The following NPIPB11 variants were observed in gnomAD, a reference collection of about 807,000 sequenced individuals.
NPIPB11 encodes nuclear pore complex-interacting protein family member B11.
NPIPB11 carries 17 observed loss-of-function variants against 32.8 expected under a neutral mutation model. The observed-to-expected ratio is 0.52, with a 90% CI of 0.35 to 0.78. The LOEUF (loss-of-function observed/expected upper bound fraction) is 0.78, where lower values mean the gene tolerates loss of function less well. Among genes scored for constraint, NPIPB11 ranks in the 30% least tolerant of loss-of-function variants. The probability of loss-of-function intolerance (pLI) is 0.01; values close to 1 mark genes in which losing one functional copy is unlikely to be tolerated. For synonymous variants in NPIPB11, 209 were observed against 398.4 expected, an observed-to-expected ratio of 0.52 and a Z score of 5.66; for missense variants, 537 against 1,000.4, an observed-to-expected ratio of 0.54 and a Z score of 6.25.
chr16:29,390,432 G>C (rs1421003376), intron 3 of NPIPB11, 84 bp from the exon 4 acceptor site: 4 of 1,590,356 alleles, frequency 2.5e-6, no homozygotes, highest in African/African-American at 2.7e-5. Flanking sequence ...TGAGGCAGGT[G>C]GATCACGGGG....
intron 2 of NPIPB11, among the ~76,000 whole-genome samples, chr16:29,403,076 A>G: frequency 6.7e-6 from 1 of 148,398 alleles, no homozygotes; most frequent in Admixed American, 6.8e-5. Context: ...ATTTTGCAGG[A>G]TAATTTTTTT....
At position 29,383,398 on chromosome 16, in the gene NPIPB11, CCGCTGAG is replaced by C; in HGVS notation, c.1527_1533del (p.Ser510MetfsTer85). ...TCAGAAGGTGTCTTGAGATTATCAT[CCGCTGAG>C]GGTGGAAGCGGCCCCCGCAGATGCT... is the stretch of plus-strand genomic sequence containing the variant. On this transcript the variant is annotated frameshift_variant, in exon 8 of 8. Transcript: ENST00000524087. LOFTEE classifies it low-confidence loss of function (END_TRUNC). The C allele has an allele frequency of 4.9e-5, 8 of 164,688 alleles. 3 individuals carry two copies. The highest frequency in any genetic ancestry group is 1.1e-4 in the East Asian group (1 of 9,120). The allele number at this position is 164,688 out of a possible 1,614,324, so 10.2% of individuals were successfully genotyped here.
intron 2 of NPIPB11, chr16:29,397,721 C>A: frequency 8.7e-6 from 3 of 343,020 alleles, no homozygotes; most frequent in South Asian, 6.7e-5. Flanking sequence ...GGGAAGGGGA[C>A]GGGGACCGGG....
exon 8 of NPIPB11, chr16:29,383,900 A>G: frequency 7.8e-7 from 1 of 1,282,190 alleles, no homozygotes; most frequent in Non-Finnish European, 1.1e-6. Flanking sequence ...TGAGATTATC[A>G]TCCGCTGAGG....
intron 2 of NPIPB11, among the ~76,000 whole-genome samples, chr16:29,394,572 T>C (rs1169207312): frequency 1.4e-5 from 2 of 146,028 alleles, no homozygotes; most frequent in Admixed American, 6.8e-5. Flanking sequence ...GTAGCTGAGA[T>C]TACAGGTCTC....
intron 2 of NPIPB11, among the ~76,000 whole-genome samples, chr16:29,398,683 G>T (rs1290902133): frequency 1.3e-5 from 2 of 151,150 alleles, no homozygotes; most frequent in African/African-American, 2.4e-5. Flanking sequence ...ATTATTATTT[G>T]CTTGGAAATT....
rs547148305 is a variant in NPIPB11, at chr16:29,391,039, C to T, written c.250-691G>A. Among the ~76,000 whole-genome samples, 223 of 150,912 alleles carry T rather than the reference C, an allele frequency of 1.5e-3. 1 individual carries two copies. The highest frequency in any genetic ancestry group is 4.7e-3 in the African/African-American group (194 of 41,032). On this transcript the variant is annotated intron_variant, in intron 3 of 7. Coordinates refer to ENST00000524087, the Ensembl canonical transcript of NPIPB11. Reference sequence around the variant, plus strand: ...ATCCCAACACTTTGGGAGGCCGACGCGGGTGAATCACAAGGTCAAGAGATG... The same window carrying T: ...ATCCCAACACTTTGGGAGGCCGACGTGGGTGAATCACAAGGTCAAGAGATG...
intron 2 of NPIPB11, among the ~76,000 whole-genome samples, chr16:29,398,542 T>A (rs1287914200): frequency 6.6e-6 from 1 of 150,926 alleles, no homozygotes; most frequent in Admixed American, 6.6e-5. Flanking sequence ...GCATGCATGG[T>A]ACATTTACAA....
At chr16:29,393,784 C>T (rs1834249895) in intron 3 of NPIPB11, among the ~76,000 whole-genome samples, 164 bp downstream of exon 3, 1 of 152,188 alleles carries the variant, frequency 6.6e-6, no homozygotes, top group African/African-American at 2.4e-5. Context: ...TTTCATAACG[C>T]AAATGGCAGA....
intron 2 of NPIPB11, among the ~76,000 whole-genome samples, chr16:29,395,871 G>A (rs1963841088): frequency 6.6e-6 from 1 of 151,270 alleles, no homozygotes; most frequent in African/African-American, 2.4e-5. Context: ...CCAGCTACTT[G>A]GGAGGCTGAG....
At chr16:29,389,292 G>T (rs921993247) in intron 5 of NPIPB11, among the ~76,000 whole-genome samples, 6 of 149,202 alleles carry the variant, frequency 4.0e-5, no homozygotes, top group African/African-American at 1.5e-4. Flanking sequence ...AAACTGGGAG[G>T]CAGAGGTTGC....
At chr16:29,401,501 C>G (rs993286986) in intron 2 of NPIPB11, among the ~76,000 whole-genome samples, 4 of 152,066 alleles carry the variant, frequency 2.6e-5, no homozygotes, top group Non-Finnish European at 4.4e-5. Flanking sequence ...GAGGATAAAG[C>G]AAATCTGCGG....
At chr16:29,403,023 TA>T (rs1365097747) in intron 2 of NPIPB11, among the ~76,000 whole-genome samples, 1 of 151,358 alleles carries the variant, frequency 6.6e-6, no homozygotes, top group Non-Finnish European at 1.5e-5. Context: ...TGAGTCATGT[TA>T]AAAAGTAGTT....
At chr16:29,406,247 C>T (rs533388496), upstream of NPIPB11, among the ~76,000 whole-genome samples, 101 of 152,212 alleles carry the variant, frequency 6.6e-4, no homozygotes, top group Non-Finnish European at 1.1e-3. Flanking sequence ...TCAAATGTGG[C>T]GATACTGCAT....
At chr16:29,391,265 C>CA (rs1182475033) in intron 3 of NPIPB11, among the ~76,000 whole-genome samples, 130 of 85,308 alleles carry the variant, frequency 1.5e-3, no homozygotes, top group East Asian at 0.012. Flanking sequence ...GACTCCGTCT[C>CA]AAAAAAAAAA....
chr16:29,390,124 A>C, exon 5 of NPIPB11: 5 of 750,102 alleles, frequency 6.7e-6, no homozygotes, highest in Non-Finnish European at 1.1e-5. Context: ...GTGCATACAA[A>C]TGGACCTCAG....
intron 2 of NPIPB11, among the ~76,000 whole-genome samples, chr16:29,400,977 G>C (rs1477315284): frequency 1.3e-5 from 2 of 152,102 alleles, no homozygotes; most frequent in African/African-American, 4.8e-5. Context: ...GCTCGCACCT[G>C]GGGCCTCATG....
Position 29,402,010 on chromosome 16 carries a change from G to C in NPIPB11, c.120+1673C>G, listed in dbSNP as rs557266508. Among the ~76,000 whole-genome samples the C allele has an allele frequency of 8.2e-3, 1,238 of 151,662 alleles. 12 individuals carry two copies. The highest frequency in any genetic ancestry group is 0.027 in the Middle Eastern group (8 of 294). ...TGTGATGCAGACTAGCCTGCCGTCA[G>C]AACATGAACTGGTGGTCAGACACAC... On this transcript the variant is annotated intron_variant, in intron 2 of 7. Transcript: ENST00000524087.
intron 2 of NPIPB11, among the ~76,000 whole-genome samples, chr16:29,401,435 T>C (rs4017136): frequency 1.1e-4 from 16 of 152,164 alleles, no homozygotes; most frequent in East Asian, 3.9e-4. Flanking sequence ...AAGTCTACTC[T>C]GTTTCATCAT....
Sources: allele counts gnomAD v4.1 joint callset (sites outside exome capture counted in the v4.1 genomes callset), GRCh38; gene constraint gnomAD v4.1.1; transcripts MANE v1.5; gene names NCBI Gene and HGNC (gene_info 2026-07-23, HGNC 2026-07-21).